The following CSMD1 variants were observed in gnomAD, a reference collection of about 807,000 sequenced individuals.
CSMD1 encodes the protein CUB and sushi domain-containing protein 1.
CSMD1 carries 213 observed loss-of-function variants against 417.5 expected under a neutral mutation model. That is an observed-to-expected ratio of 0.51 (90% confidence interval 0.46 to 0.57). The LOEUF is 0.57. Among genes scored for constraint, CSMD1 ranks in the 20% least tolerant of loss-of-function variants. The pLI is 0.00. For missense variants in CSMD1, 6,923 were observed against 4,529.7 expected, an observed-to-expected ratio of 1.53 and a Z score of -15.17; for synonymous variants, 2,862 against 1,736.8, an observed-to-expected ratio of 1.65 and a Z score of -16.11.
chr8:3,636,959 T>C (rs1439673813), intron 7 of CSMD1, among the ~76,000 whole-genome samples: 1 of 152,198 alleles, frequency 6.6e-6, no homozygotes, highest in African/African-American at 2.4e-5. Flanking sequence ...GATGGATTGC[T>C]ATAAATGCGA....
chr8:4,533,118 C>A (rs1161527281), intron 2 of CSMD1, among the ~76,000 whole-genome samples: 1 of 152,232 alleles, frequency 6.6e-6, no homozygotes, highest in East Asian at 1.9e-4. Flanking sequence ...GGCCATCCAA[C>A]ATATGGCATT....
intron 37 of CSMD1, among the ~76,000 whole-genome samples, chr8:3,166,648 G>C (rs1185563027): frequency 6.6e-6 from 1 of 152,174 alleles, no homozygotes; most frequent in Non-Finnish European, 1.5e-5. Flanking sequence ...ATATTGTCAA[G>C]CCAGGGGTAG....
intron 5 of CSMD1, among the ~76,000 whole-genome samples, chr8:3,902,515 A>G (rs1207979337): frequency 6.6e-6 from 1 of 152,130 alleles, no homozygotes; most frequent in East Asian, 1.9e-4. Context: ...ACCTGAGATC[A>G]TCAGCCATTA....
chr8:4,164,688 A>G (rs1440100609), intron 3 of CSMD1, among the ~76,000 whole-genome samples: 1 of 152,138 alleles, frequency 6.6e-6, no homozygotes, highest in Non-Finnish European at 1.5e-5. Context: ...AGATTTTAAA[A>G]TATGTTGCTG....
intron 2 of CSMD1, among the ~76,000 whole-genome samples, chr8:4,428,069 C>T (rs1455008842): frequency 2.6e-5 from 4 of 152,152 alleles, no homozygotes; most frequent in African/African-American, 4.8e-5. Flanking sequence ...TTACATGTCT[C>T]GTTTTCATAT....
intron 7 of CSMD1, among the ~76,000 whole-genome samples, chr8:3,655,993 G>A (rs901025525): frequency 6.6e-6 from 1 of 152,132 alleles, no homozygotes; most frequent in African/African-American, 2.4e-5. Flanking sequence ...CACTGAAAGG[G>A]TTGGTGAAAT....
chr8:4,294,444 G>A (rs1029090213), intron 3 of CSMD1, among the ~76,000 whole-genome samples: 2 of 152,118 alleles, frequency 1.3e-5, no homozygotes, highest in South Asian at 2.1e-4. Flanking sequence ...AATTAACATC[G>A]CAGGCAATGA....
intron 5 of CSMD1, among the ~76,000 whole-genome samples, chr8:3,772,336 C>CATATATACATATATTTATATATACATAT (rs1563063951): frequency 1.6e-4 from 5 of 30,782 alleles, no homozygotes; most frequent in African/African-American, 9.5e-4. Context: ...TATATTTAGA[C>CATATATACATATATTTATATATACATAT]ATACATATAT....
intron 1 of CSMD1, among the ~76,000 whole-genome samples, chr8:4,938,705 C>T (rs10099993): frequency 1.3e-5 from 2 of 152,162 alleles, no homozygotes; most frequent in African/African-American, 4.8e-5. Flanking sequence ...AACAGATAAT[C>T]TTCTCATGAT....
rs143605099 is a variant in CSMD1, at chr8:3,071,795, T to C, written c.7474+15302A>G. On this transcript the variant is annotated intron_variant, in intron 49 of 69. Transcript: ENST00000635120. ...ATCTGAACTCTACTCCATGGATTCATTGCAAATACGTCATTTCATATATTT... is the reference window on the plus strand; with the variant it reads ...ATCTGAACTCTACTCCATGGATTCACTGCAAATACGTCATTTCATATATTT... 7.4e-3 allele frequency among the ~76,000 whole-genome samples: 1,120 copies of C among 152,292 alleles called. 14 individuals carry two copies. Among genetic ancestry groups the C allele is most frequent in the African/African-American group, 0.025 (1,047 of 41,556 alleles).
chr8:4,104,260 TCTCA>T (rs1194841950), intron 3 of CSMD1, among the ~76,000 whole-genome samples: 2 of 152,220 alleles, frequency 1.3e-5, no homozygotes, highest in African/African-American at 4.8e-5. Context: ...TAATGATTTA[TCTCA>T]CTCCATCTTT....
intron 62 of CSMD1, among the ~76,000 whole-genome samples, chr8:2,960,210 A>C (rs1031183518): frequency 1.3e-5 from 2 of 152,212 alleles, no homozygotes; most frequent in Non-Finnish European, 2.9e-5. Context: ...GAAAGTATTT[A>C]CTTGAAGTTT....
At chr8:3,394,943 C>G (rs988753786) in intron 17 of CSMD1, among the ~76,000 whole-genome samples, 1 of 152,040 alleles carries the variant, frequency 6.6e-6, no homozygotes, top group African/African-American at 2.4e-5. Context: ...TAAAAGTAGA[C>G]AAAATCTTAA....
intron 10 of CSMD1, among the ~76,000 whole-genome samples, chr8:3,562,787 G>C (rs962886423): frequency 6.6e-6 from 1 of 151,748 alleles, no homozygotes; most frequent in South Asian, 2.1e-4. Context: ...GGGTGGGAGG[G>C]GGAAGAGGAT....
chr8:4,798,301 G>T (rs181513534), intron 1 of CSMD1, among the ~76,000 whole-genome samples: 1 of 152,140 alleles, frequency 6.6e-6, no homozygotes, highest in East Asian at 1.9e-4. Flanking sequence ...TGAGAATGAT[G>T]GTTTCTAGCT....
chr8:3,225,406 A>G (rs1238329690), intron 27 of CSMD1, among the ~76,000 whole-genome samples: 1 of 150,094 alleles, frequency 6.7e-6, no homozygotes, highest in East Asian at 1.9e-4. Context: ...TTTTTTTTTA[A>G]TGAATTTGAA....
At chr8:3,193,064 G>T (rs1391853160) in intron 33 of CSMD1, among the ~76,000 whole-genome samples, 1 of 152,128 alleles carries the variant, frequency 6.6e-6, no homozygotes, top group Non-Finnish European at 1.5e-5. Context: ...TCGTGGCAAA[G>T]GTTGCACTTA....
chr8:4,177,281 C>T (rs528827096), intron 3 of CSMD1, among the ~76,000 whole-genome samples: 1 of 152,086 alleles, frequency 6.6e-6, no homozygotes, highest in Non-Finnish European at 1.5e-5. Flanking sequence ...GAAACTCACT[C>T]AAAACCGCTC....
At chr8:4,823,689 A>T (rs2117398615) in intron 1 of CSMD1, among the ~76,000 whole-genome samples, 1 of 152,186 alleles carries the variant, frequency 6.6e-6, no homozygotes, top group South Asian at 2.1e-4. Context: ...GTAATTCTCT[A>T]TGGTGAGAAT....
Sources: gnomAD v4.1 joint callset for allele counts (sites outside exome capture counted in the v4.1 genomes callset) on GRCh38, gnomAD v4.1.1 for gene constraint, MANE v1.5 for transcripts, NCBI Gene and HGNC (gene_info 2026-07-23, HGNC 2026-07-21) for gene names.